Variants in BRWD1 observed in about 807,000 individuals in gnomAD.
The protein encoded by BRWD1 is bromodomain and WD repeat domain containing 1.
BRWD1 carries 82 observed loss-of-function variants against 251.2 expected under a neutral mutation model. The ratio of observed to expected loss-of-function variants is 0.33; its 90% CI spans 0.27 to 0.39. The LOEUF (loss-of-function observed/expected upper bound fraction) is 0.39. Among genes scored for constraint, BRWD1 ranks in the 10% least tolerant of loss-of-function variants. The pLI is 1.00. For synonymous variants in BRWD1, 918 were observed against 902.8 expected (o/e 1.02, Z -0.30); for missense variants, 2,233 against 2,711.6 (o/e 0.82, Z 3.92).
intron 15 of BRWD1, among the ~76,000 whole-genome samples, chr21:39,267,371 G>A (rs1464384317): frequency 1.3e-4 from 20 of 152,160 alleles, no homozygotes; most frequent in South Asian, 8.3e-4. Flanking sequence ...CGAGGCGGGC[G>A]GATCACAAGG....
intron 28 of BRWD1, 82 bp downstream of exon 28, chr21:39,225,004 A>G (rs1312367590): frequency 1.8e-6 from 2 of 1,083,902 alleles, no homozygotes; most frequent in Non-Finnish European, 2.8e-6. Flanking sequence ...ATGTTTTTTT[A>G]AAAACCAGAA....
At chr21:39,284,482 G>C (rs1348712801) in intron 8 of BRWD1, among the ~76,000 whole-genome samples, 1 of 152,112 alleles carries the variant, frequency 6.6e-6, no homozygotes, top group Admixed American at 6.5e-5. Context: ...TGCCTCTGGG[G>C]GAGGCGGGAG....
chr21:39,263,370 G>A (rs771829716), intron 17 of BRWD1, among the ~76,000 whole-genome samples: 3 of 151,972 alleles, frequency 2.0e-5, no homozygotes, highest in African/African-American at 4.8e-5. Flanking sequence ...ACTTGGCTAC[G>A]ACAGAGAAAA....
In BRWD1 at chr21:39,291,641, C is replaced by T. The variant is rs546418337; in HGVS notation, c.831+2170G>A. 7.2e-5 allele frequency among the ~76,000 whole-genome samples: 11 copies of T among 152,308 alleles called. 1 individual carries two copies. The highest frequency in any genetic ancestry group is 2.6e-4 in the African/African-American group (11 of 41,566). ...CCTACTAAGGAGAGTTAACTCTATC[C>T]GCCCATATGTGCACAAGGCCAGGAG... On this transcript the variant is annotated intron_variant, in intron 8 of 40. Coordinates refer to ENST00000342449, the MANE Select transcript of BRWD1 (RefSeq NM_033656.4).
chr21:39,304,141 C>CAAAAAAAAAAAAAAAAAAAA (rs56990201), intron 4 of BRWD1, among the ~76,000 whole-genome samples: 3 of 118,390 alleles, frequency 2.5e-5, no homozygotes, highest in Non-Finnish European at 3.4e-5. Flanking sequence ...AACTCTTTCT[C>CAAAAAAAAAAAAAAAAAAAA]AAAAAAAAAA....
intron 29 of BRWD1, among the ~76,000 whole-genome samples, chr21:39,219,049 T>TA (rs11427267): frequency 0.93 from 141,105 of 152,216 alleles, 65,751 homozygotes; most frequent in African/African-American, 0.97. Context: ...TCAAAATGGA[T>TA]AAATAATCCC....
At chr21:39,197,678 A>G (rs543416398) in intron 40 of BRWD1, among the ~76,000 whole-genome samples, 77 of 152,258 alleles carry the variant, frequency 5.1e-4, no homozygotes, top group African/African-American at 1.8e-3. Flanking sequence ...CTACACATCT[A>G]GGTTATATGG....
intron 8 of BRWD1, among the ~76,000 whole-genome samples, chr21:39,288,910 C>G (rs570191275): frequency 6.6e-6 from 1 of 151,966 alleles, no homozygotes; most frequent in African/African-American, 2.4e-5. Flanking sequence ...ATATATAAGT[C>G]GACCCATGCA....
In BRWD1 at chr21:39,191,707, A is replaced by ACCTT; in HGVS notation, c.*4551_*4552insAAGG. 2.0e-6 allele frequency: 2 copies of ACCTT among 985,244 alleles called. No individual in the cohort carries two copies. Among genetic ancestry groups the ACCTT allele is most frequent in the Non-Finnish European group, 2.4e-6 (2 of 829,828 alleles). 61.0% of individuals were successfully genotyped at this position (985,244 alleles called of 1,614,324 possible). A position where few individuals can be genotyped will look rare whatever the true frequency, so the allele number is the denominator to read the frequency against. Reference sequence around the variant, plus strand: ...ATCAAAAAAGGTAATTTTTAAAATGATTTACCTTGTAAAACAAAGGGGTAG... The same window carrying ACCTT: ...ATCAAAAAAGGTAATTTTTAAAATGACCTTTTTACCTTGTAAAACAAAGGGGTAG... On this transcript the variant is annotated 3_prime_UTR_variant, in exon 41 of 41. Coordinates refer to ENST00000342449, the MANE Select transcript of BRWD1 (RefSeq NM_033656.4).
At chr21:39,244,317 G>A (rs912519866) in intron 21 of BRWD1, among the ~76,000 whole-genome samples, 4 of 151,954 alleles carry the variant, frequency 2.6e-5, no homozygotes, top group African/African-American at 9.7e-5. Context: ...ACCCACCTCG[G>A]CCTCCCAGAG....
intron 8 of BRWD1, among the ~76,000 whole-genome samples, chr21:39,292,389 C>G (rs1277339764): frequency 6.6e-6 from 1 of 152,152 alleles, no homozygotes; most frequent in Non-Finnish European, 1.5e-5. Flanking sequence ...TAATAACTAA[C>G]GGATGTAAGG....
Position 39,210,857 on chromosome 21 carries a change from G to T in BRWD1, c.3973C>A (p.Leu1325Ile), listed in dbSNP as rs1185090343. ...ESNWKKQCKE[L>I]VNLIFQCEDS... ...TCACACTGAAAAATTAAGTTCACTA[G>T]TTCCTTACACTGTTTCTTCCAGTTG... is the stretch of plus-strand genomic sequence containing the variant. Residue 1325 changes from leucine (L) to isoleucine (I), a missense_variant, in exon 35 of 41, where the codon CTA becomes ATA. Leu to Ile is a conservative substitution (Grantham distance 5, BLOSUM62 2). Coordinates refer to ENST00000342449, the MANE Select transcript of BRWD1 (RefSeq NM_033656.4). 2 of 1,612,866 alleles carry T rather than the reference G, an allele frequency of 1.2e-6. No homozygotes were observed. Among genetic ancestry groups the T allele is most frequent in the Non-Finnish European group, 1.7e-6 (2 of 1,179,524 alleles).
At chr21:39,281,608 T>G (rs191664342) in intron 8 of BRWD1, among the ~76,000 whole-genome samples, 1 of 152,280 alleles carries the variant, frequency 6.6e-6, no homozygotes, top group East Asian at 1.9e-4. Context: ...GGCAGGCAGA[T>G]CACTTGAGGT....
At chr21:39,224,816 G>T (rs2033315479) in intron 28 of BRWD1, among the ~76,000 whole-genome samples, 1 of 152,016 alleles carries the variant, frequency 6.6e-6, no homozygotes, top group South Asian at 2.1e-4. Flanking sequence ...ATCTGCTTCT[G>T]AACTAGGACA....
upstream of BRWD1, chr21:39,313,828 C>G (rs2036618695): frequency 2.9e-6 from 1 of 350,268 alleles, no homozygotes; most frequent in African/African-American, 2.3e-5. Flanking sequence ...CTGGGCGCCG[C>G]AGCAGCGAGT....
At chr21:39,222,457 A>T (rs1374356416) in intron 29 of BRWD1, among the ~76,000 whole-genome samples, 2 of 152,210 alleles carry the variant, frequency 1.3e-5, no homozygotes, top group African/African-American at 4.8e-5. Flanking sequence ...GTGAGCCTTG[A>T]ACACTGCATA....
intron 15 of BRWD1, among the ~76,000 whole-genome samples, chr21:39,266,670 T>C (rs189520778): frequency 1.2e-3 from 187 of 152,366 alleles, no homozygotes; most frequent in African/African-American, 4.2e-3. Flanking sequence ...AAGCGTCCTA[T>C]ACAATGATTC....
At chr21:39,310,311 T>C (rs1253203052) in intron 4 of BRWD1, among the ~76,000 whole-genome samples, 1 of 151,554 alleles carries the variant, frequency 6.6e-6, no homozygotes, top group East Asian at 1.9e-4. Context: ...AAGTTAGGAG[T>C]TCAAGACCAG....
At chr21:39,249,830 TA>T (rs1353293694) in intron 20 of BRWD1, among the ~76,000 whole-genome samples, 2 of 152,026 alleles carry the variant, frequency 1.3e-5, no homozygotes, top group Non-Finnish European at 2.9e-5. Context: ...TGGTAAAACA[TA>T]TTTTTTAACA....
Sources: allele counts gnomAD v4.1 joint callset (sites outside exome capture counted in the v4.1 genomes callset), GRCh38; gene constraint gnomAD v4.1.1; transcripts MANE v1.5; gene names NCBI Gene and HGNC (gene_info 2026-07-23, HGNC 2026-07-21).